ATF6B: variants seen among roughly 807,000 people sequenced by gnomAD.
The protein encoded by ATF6B is activating transcription factor 6 beta.
Under a neutral mutation model 83.5 loss-of-function variants are expected in ATF6B, and 50 were observed. The ratio of observed to expected loss-of-function variants is 0.60; its 90% CI spans 0.48 to 0.76. The LOEUF is 0.76. Among genes scored for constraint, ATF6B ranks in the 30% least tolerant of loss-of-function variants. The pLI, the probability that ATF6B is intolerant of heterozygous loss-of-function variation, is 0.00. For synonymous variants in ATF6B, 344 were observed against 362.8 expected, an observed-to-expected ratio of 0.95 and a Z score of 0.59; for missense variants, 790 against 893.8, an observed-to-expected ratio of 0.88 and a Z score of 1.48.
chr6:32,116,410 C>G lies in ATF6B; in HGVS notation c.1882+70G>C, dbSNP rs1781530394. ...CTCTGGATGCCCTGCTCCTCTCCCC[C>G]TTCCCCCTCAGCTCCCAGGCTGGAT... On this transcript the variant is annotated intron_variant, in intron 17 of 17. Transcript: ENST00000375203. This position sits in a 1 kb window ranked among gnomAD's most constrained non-coding sequence, Gnocchi z 5.1. 2 of 1,462,314 alleles carry G rather than the reference C, an allele frequency of 1.4e-6. No individual in the cohort carries two copies. Among genetic ancestry groups the G allele is most frequent in the South Asian group, 1.3e-5 (1 of 78,418 alleles). 90.6% of individuals were successfully genotyped at this position (1,462,314 alleles called of 1,614,324 possible). A position where few individuals can be genotyped will look rare whatever the true frequency, so the allele number is the denominator to read the frequency against.
At position 32,116,945 on chromosome 6, in the gene ATF6B, G is replaced by A; in HGVS notation, c.1685+92C>T. The A allele has an allele frequency of 6.5e-7, 1 of 1,535,332 alleles. No individual in the cohort carries two copies. The highest frequency in any genetic ancestry group is 9.0e-7 in the Non-Finnish European group (1 of 1,111,244). On this transcript the variant is annotated intron_variant, in intron 15 of 17. Transcript: ENST00000375203. This position sits in a 1 kb window ranked among gnomAD's most constrained non-coding sequence, Gnocchi z 5.1. ...AGGAGGGAGGTATAATCCCACTGGT[G>A]ACAGTAATGACAGGCACAGGACAGC...
In ATF6B at chr6:32,115,888, T is replaced by G; in HGVS notation, c.1963A>C (p.Ile655Leu). Residue 655 changes from isoleucine to leucine, a missense_variant, in exon 18 of 18, where the codon ATT becomes CTT. By Grantham distance (5) the Ile-to-Leu change is conservative (BLOSUM62 2). Coordinates refer to ENST00000375203, the MANE Select transcript of ATF6B (RefSeq NM_004381.5). ...GGCACTGTGGAGGTCTTGATGTGAA[T>G]CACCCTGGTGTCCATGACCTCACAC... ...IECEVMDTRV[I>L]HIKTSTVPPS... The G allele has an allele frequency of 6.2e-7, 1 of 1,614,114 alleles. No individual in the cohort carries two copies. Among genetic ancestry groups the G allele is most frequent in the Non-Finnish European group, 8.5e-7 (1 of 1,180,010 alleles).
intron 8 of ATF6B, chr6:32,120,328 G>A (rs113023346): frequency 0.019 from 3,032 of 161,226 alleles, 42 homozygotes; most frequent in Non-Finnish European, 0.026. Context: ...TCGATCTCCT[G>A]ACCTTGTGAT....
chr6:32,118,671 T>G lies in ATF6B; in HGVS notation c.1244+104A>C. The G allele has an allele frequency of 8.6e-7, 1 of 1,156,968 alleles. No individual in the cohort carries two copies. Among genetic ancestry groups the G allele is most frequent in the South Asian group, 1.3e-5 (1 of 77,358 alleles). The allele number at this position is 1,156,968 out of a possible 1,614,324, so 71.7% of individuals were successfully genotyped here. ...ATCGGTGCCAAGGACACCAGAACCA[T>G]TTGTATATAAGCAGAAGGAAATGGC... On this transcript the variant is annotated intron_variant, in intron 11 of 17. Coordinates refer to ENST00000375203, the MANE Select transcript of ATF6B (RefSeq NM_004381.5). The surrounding 1 kb of genome is among the most constrained non-coding windows in gnomAD (Gnocchi z 5.2).
At chr6:32,127,567 G>C in intron 2 of ATF6B, 47 bp from the exon 3 acceptor site, 1 of 1,608,700 alleles carries the variant, frequency 6.2e-7, no homozygotes, top group Non-Finnish European at 8.5e-7. Flanking sequence ...GAAAGGATGA[G>C]AAAGTAGGGG....
At chr6:32,127,947 G>T (rs549659950) in intron 1 of ATF6B, among the ~76,000 whole-genome samples, 170 bp downstream of exon 1, 6 of 152,212 alleles carry the variant, frequency 3.9e-5, no homozygotes, top group Non-Finnish European at 8.8e-5. Context: ...AGGGAGCAGA[G>T]TTCTTCCCTG....
chr6:32,117,334 G>GTA lies in ATF6B; in HGVS notation c.1602_1603insTA (p.Gln535TyrfsTer87). 1 of 1,613,902 alleles carries GTA rather than the reference G, an allele frequency of 6.2e-7. No homozygotes were observed. Among genetic ancestry groups the GTA allele is most frequent in the Non-Finnish European group, 8.5e-7 (1 of 1,179,880 alleles). On this transcript the variant is annotated frameshift_variant, in exon 14 of 18. Coordinates refer to ENST00000375203, the MANE Select transcript of ATF6B (RefSeq NM_004381.5). LOFTEE classifies it high-confidence loss of function. This position sits in a 1 kb window ranked among gnomAD's most constrained non-coding sequence, Gnocchi z 5.0. Reference sequence around the variant, plus strand: ...GCCACCCGCCCTACCTGTCTCTCCTGGGCCCTCTGAGGGATCTTCCTCCGG... The same window carrying GTA: ...GCCACCCGCCCTACCTGTCTCTCCTGTAGGCCCTCTGAGGGATCTTCCTCCGG...
Position 32,118,140 on chromosome 6 carries a change from G to A in ATF6B, c.1245-102C>T, listed in dbSNP as rs1393708495. The stretch of plus-strand genomic sequence containing the variant: ...AGATGGACTGCTTGAGTTGCAATCT[G>A]TTATACAAGCCTGAGTCTGCCTCTG... On this transcript the variant is annotated intron_variant, in intron 11 of 17. Transcript: ENST00000375203. This position sits in a 1 kb window ranked among gnomAD's most constrained non-coding sequence, Gnocchi z 5.2. 15 of 1,413,380 alleles carry A rather than the reference G, an allele frequency of 1.1e-5. No homozygotes were observed. Among genetic ancestry groups the A allele is most frequent in the Non-Finnish European group, 1.5e-5 (15 of 1,017,900 alleles). 87.6% of individuals were successfully genotyped at this position (1,413,380 alleles called of 1,614,324 possible).
At chr6:32,121,665 C>T (rs1206531876) in intron 5 of ATF6B, among the ~76,000 whole-genome samples, 1 of 152,136 alleles carries the variant, frequency 6.6e-6, no homozygotes, top group Non-Finnish European at 1.5e-5. Flanking sequence ...CGCGCCATTG[C>T]ACTCCAGCCT....
In ATF6B at chr6:32,115,583, G is replaced by A; in HGVS notation, c.*156C>T. On this transcript the variant is annotated 3_prime_UTR_variant, in exon 18 of 18. Coordinates refer to ENST00000375203, the MANE Select transcript of ATF6B (RefSeq NM_004381.5). ...TATTCTGAAAAGGGATGAGAAGAGA[G>A]GTGAACACCCCCACCTCAAATAAGT... 4.9e-6 allele frequency: 3 copies of A among 608,736 alleles called. No individual in the cohort carries two copies. The highest frequency in any genetic ancestry group is 8.5e-6 in the Non-Finnish European group (3 of 354,462). 37.7% of individuals were successfully genotyped at this position (608,736 alleles called of 1,614,324 possible).
At position 32,117,836 on chromosome 6, in the gene ATF6B, G is replaced by A; in HGVS notation, c.1424+23C>T. 1 of 1,556,756 alleles carries A rather than the reference G, an allele frequency of 6.4e-7. No homozygotes were observed. ...CCAACTCATACCCTCAAACGAGAGGGGGCCCTCTCTCTCTCTCCTCACCTG... is the reference window on the plus strand; with the variant it reads ...CCAACTCATACCCTCAAACGAGAGGAGGCCCTCTCTCTCTCTCCTCACCTG... On this transcript the variant is annotated intron_variant, in intron 12 of 17. Transcript: ENST00000375203. This position sits in a 1 kb window ranked among gnomAD's most constrained non-coding sequence, Gnocchi z 5.0.
At chr6:32,122,112 CT>C (rs1242069362) in intron 5 of ATF6B, among the ~76,000 whole-genome samples, 4 of 152,090 alleles carry the variant, frequency 2.6e-5, no homozygotes, top group Non-Finnish European at 5.9e-5. Flanking sequence ...GCATCTCCCC[CT>C]GGCTGCTCAC....
At position 32,115,894 on chromosome 6, in the gene ATF6B, T is replaced by C; in HGVS notation, c.1957A>G (p.Arg653Gly). ...GTGGAGGTCTTGATGTGAATCACCCTGGTGTCCATGACCTCACACTCGATC... is the reference window on the plus strand; with the variant it reads ...GTGGAGGTCTTGATGTGAATCACCCCGGTGTCCATGACCTCACACTCGATC... ...MQIECEVMDT[R>G]VIHIKTSTVP... The change falls in exon 18 of 18, where the codon AGG becomes GGG. Residue 653 changes from arginine (R) to glycine (G), a missense_variant. Physicochemically the swap from Arg to Gly is moderately radical, Grantham distance 125. Coordinates refer to ENST00000375203, the MANE Select transcript of ATF6B (RefSeq NM_004381.5). 1 of 1,614,150 alleles carries C rather than the reference T, an allele frequency of 6.2e-7. No homozygotes were observed. The highest frequency in any genetic ancestry group is 8.5e-7 in the Non-Finnish European group (1 of 1,180,012).
Position 32,127,102 on chromosome 6 carries a change from C to G in ATF6B, c.342+1G>C. ...GAGTAAGAGGGATATGGCTCTCTCACCTCGCTGGATGGCTCTGTGGAGAGA... is the reference window on the plus strand; with the variant it reads ...GAGTAAGAGGGATATGGCTCTCTCAGCTCGCTGGATGGCTCTGTGGAGAGA... On this transcript the variant is annotated splice_donor_variant, in intron 4 of 17. Coordinates refer to ENST00000375203, the MANE Select transcript of ATF6B (RefSeq NM_004381.5). LOFTEE classifies it high-confidence loss of function. 1 of 1,590,748 alleles carries G rather than the reference C, an allele frequency of 6.3e-7. No homozygotes were observed. The highest frequency in any genetic ancestry group is 8.6e-7 in the Non-Finnish European group (1 of 1,168,322).
chr6:32,118,841 C>A lies in ATF6B; in HGVS notation c.1178G>T (p.Gly393Val), dbSNP rs1384761120. ...AENSELKLGS[G>V]NRKVVCIMVF... ...CATGATGCAGACCACCTTCCTGTTT[C>A]CAGACCCTAACTTGAGCTCGCTGTT... The change falls in exon 11 of 18, where the codon GGA (glycine) becomes GTA (valine). Residue 393 changes from glycine to valine, a missense_variant. By Grantham distance (109) the Gly-to-Val change is moderately radical (BLOSUM62 -3). Transcript: ENST00000375203. This position sits in a 1 kb window ranked among gnomAD's most constrained non-coding sequence, Gnocchi z 5.2. 1 of 1,614,220 alleles carries A rather than the reference C, an allele frequency of 6.2e-7. No homozygotes were observed. Among genetic ancestry groups the A allele is most frequent in the South Asian group, 1.1e-5 (1 of 91,086 alleles).
In ATF6B at chr6:32,126,316, C is replaced by A. The variant is rs568249767; in HGVS notation, c.343-64G>T. On this transcript the variant is annotated intron_variant, in intron 4 of 17. Coordinates refer to ENST00000375203, the MANE Select transcript of ATF6B (RefSeq NM_004381.5). ...GGGCAAAAAACAAGGGAGATGTTGA[C>A]AGTAAGAGCGAGAACAAAAGCTTTA... The A allele has an allele frequency of 5.9e-5, 93 of 1,573,354 alleles. No homozygotes were observed. In the East Asian group the frequency reaches 2.0e-3, roughly 33 times the overall value.
At position 32,125,537 on chromosome 6, in the gene ATF6B, G is replaced by A. The variant is rs534812856; in HGVS notation, c.478+580C>T. 2.6e-5 allele frequency among the ~76,000 whole-genome samples: 4 copies of A among 152,232 alleles called. No homozygotes were observed. Among genetic ancestry groups the A allele is most frequent in the African/African-American group, 7.2e-5 (3 of 41,538 alleles). Reference sequence around the variant, plus strand: ...AGCACTTTGGGAGGCGGAGGTAGGCGACTCATGAGGTCAGGAGTTCAAGAC... The same window carrying A: ...AGCACTTTGGGAGGCGGAGGTAGGCAACTCATGAGGTCAGGAGTTCAAGAC... On this transcript the variant is annotated intron_variant, in intron 5 of 17. Transcript: ENST00000375203. This position sits in a 1 kb window ranked among gnomAD's most constrained non-coding sequence, Gnocchi z 4.1.
chr6:32,117,389 C>T lies in ATF6B; in HGVS notation c.1548G>A (p.Leu516=). 1.2e-6 allele frequency: 2 copies of T among 1,614,112 alleles called. No individual in the cohort carries two copies. The highest frequency in any genetic ancestry group is 1.7e-6 in the Non-Finnish European group (2 of 1,179,994). ...RTESLRLADE[L]SGWVQRHQRG... is the part of the protein sequence containing the mutation. ...TCTGGTGGCGCTGGACCCAGCCACT[C>T]AACTCGTCAGCAAGCCTGGGGAAAT... The change falls in exon 14 of 18, where the codon TTG becomes TTA. Residue 516 remains leucine, a synonymous_variant. Transcript: ENST00000375203. The surrounding 1 kb of genome is among the most constrained non-coding windows in gnomAD (Gnocchi z 5.0).
At chr6:32,123,786 C>T (rs1205242692) in intron 5 of ATF6B, among the ~76,000 whole-genome samples, 1 of 152,170 alleles carries the variant, frequency 6.6e-6, no homozygotes, top group Non-Finnish European at 1.5e-5. Flanking sequence ...CACTTTCCAT[C>T]CCTCCCTGCT....
Sources: allele counts gnomAD v4.1 joint callset (sites outside exome capture counted in the v4.1 genomes callset), GRCh38; gene constraint gnomAD v4.1.1; non-coding constraint Gnocchi (gnomAD v3.1); transcripts MANE v1.5; gene names NCBI Gene and HGNC (gene_info 2026-07-23, HGNC 2026-07-21).